FRMD3: variants seen among roughly 807,000 people sequenced by gnomAD.
The protein encoded by FRMD3 is FERM domain-containing protein 3.
A neutral mutation model predicts 70.2 loss-of-function variants in FRMD3; 33 were observed. The ratio of observed to expected loss-of-function variants is 0.47; its 90% CI spans 0.36 to 0.63. FRMD3 has a LOEUF of 0.63. Ranked by LOEUF, FRMD3 falls within the 20% of genes least tolerant of loss-of-function variation. The pLI, the probability that FRMD3 is intolerant of heterozygous loss-of-function variation, is 0.00. For synonymous variants in FRMD3, 279 were observed against 255.9 expected (o/e 1.09, Z -0.86); for missense variants, 632 against 711.4 (o/e 0.89, Z 1.27).
the FRMD3 span, among the ~76,000 whole-genome samples, chr9:83,571,467 C>A: frequency 6.6e-6 from 1 of 152,192 alleles, no homozygotes; most frequent in African/African-American, 2.4e-5. Flanking sequence ...AATTGCCATT[C>A]ATGAAAATAG....
chr9:83,390,587 G>A (rs964805346), intron 1 of FRMD3, among the ~76,000 whole-genome samples: 1 of 152,182 alleles, frequency 6.6e-6, no homozygotes, highest in Non-Finnish European at 1.5e-5. Context: ...TTATTTCTAA[G>A]TTAGTTAGGT....
chr9:83,502,690 A>T (rs1390167507), intron 1 of FRMD3, among the ~76,000 whole-genome samples: 2 of 152,184 alleles, frequency 1.3e-5, no homozygotes, highest in Admixed American at 6.5e-5. Flanking sequence ...CAATTTCATG[A>T]TTCAGTGGAC....
At chr9:83,261,395 C>G (rs536521983) in intron 13 of FRMD3, among the ~76,000 whole-genome samples, 1 of 152,268 alleles carries the variant, frequency 6.6e-6, no homozygotes, top group South Asian at 2.1e-4. Context: ...GCTCTCCCCA[C>G]CTGCTGAAAT....
chr9:83,349,855 T>C, intron 3 of FRMD3, 98 bp from the exon 4 acceptor site: 1 of 800,294 alleles, frequency 1.2e-6, no homozygotes. Context: ...CAGACTAGCC[T>C]GGGGAGTGGG....
chr9:83,267,095 TG>T (rs780950309), intron 13 of FRMD3: 3 of 1,550,812 alleles, frequency 1.9e-6, no homozygotes, highest in Non-Finnish European at 2.6e-6. Context: ...CATGTGCAAT[TG>T]GAGGCTTCGT....
At chr9:83,256,519 T>C (rs1040561686) in intron 13 of FRMD3, among the ~76,000 whole-genome samples, 3 of 151,846 alleles carry the variant, frequency 2.0e-5, no homozygotes, top group African/African-American at 7.3e-5. Context: ...AATTGACAAA[T>C]GGGATCTAAT....
intron 6 of FRMD3, among the ~76,000 whole-genome samples, chr9:83,316,202 A>G (rs1402705272): frequency 8.1e-6 from 1 of 123,240 alleles, no homozygotes; most frequent in Non-Finnish European, 1.6e-5. Flanking sequence ...TCTATTGCCC[A>G]GGTTGGAGTG....
At chr9:83,473,112 C>T (rs550457605) in intron 1 of FRMD3, among the ~76,000 whole-genome samples, 1 of 152,288 alleles carries the variant, frequency 6.6e-6, no homozygotes, top group South Asian at 2.1e-4. Flanking sequence ...CTTAGATGTT[C>T]CCCCTTTGTA....
chr9:83,334,034 T>C (rs1024013807), intron 6 of FRMD3, among the ~76,000 whole-genome samples: 1 of 152,120 alleles, frequency 6.6e-6, no homozygotes, highest in Non-Finnish European at 1.5e-5. Flanking sequence ...GCCCTGCAAA[T>C]TCAGGGCATA....
chr9:83,254,410 C>CAAAAACA (rs375618038), intron 13 of FRMD3, among the ~76,000 whole-genome samples: 5 of 150,900 alleles, frequency 3.3e-5, no homozygotes, highest in African/African-American at 1.2e-4. Flanking sequence ...CTTTCACTTA[C>CAAAAACA]AAAAACAAAA....
At chr9:83,445,341 A>AATAGACAG (rs1554706372) in intron 1 of FRMD3, among the ~76,000 whole-genome samples, 1 of 146,542 alleles carries the variant, frequency 6.8e-6, no homozygotes, top group Non-Finnish European at 1.5e-5. Context: ...CTCAAAAATA[A>AATAGACAG]ATAGATAGAT....
chr9:83,495,685 A>G (rs985731070), intron 1 of FRMD3, among the ~76,000 whole-genome samples: 1 of 152,262 alleles, frequency 6.6e-6, no homozygotes, highest in African/African-American at 2.4e-5. Context: ...AATGATAGGT[A>G]TAGTAAGCAT....
chr9:83,267,656 A>G (rs543915781), intron 13 of FRMD3, among the ~76,000 whole-genome samples: 1 of 152,246 alleles, frequency 6.6e-6, no homozygotes, highest in African/African-American at 2.4e-5. Flanking sequence ...ATTAATTTTA[A>G]TAATGTGTTT....
intron 4 of FRMD3, among the ~76,000 whole-genome samples, chr9:83,346,901 A>G (rs1479646023): frequency 6.6e-6 from 1 of 152,186 alleles, no homozygotes; most frequent in Non-Finnish European, 1.5e-5. Flanking sequence ...GACAGGCCCA[A>G]GACTATTCAG....
At chr9:83,335,470 A>G (rs1325941655) in intron 6 of FRMD3, 46 bp downstream of exon 6, 1 of 1,536,426 alleles carries the variant, frequency 6.5e-7, no homozygotes, top group Admixed American at 1.7e-5. Flanking sequence ...CAGTAAGAAT[A>G]TTTTCTCCCC....
rs1832052756 is a variant in FRMD3, at chr9:83,245,554, T to C, written c.*2364A>G. ...GGAAATGTTAAAATAATATATTTAT[T>C]ACTCCTTAAGATAAATCTGCATCGT... On this transcript the variant is annotated 3_prime_UTR_variant, in exon 14 of 14. Transcript: ENST00000304195. 1 of 915,904 alleles carries C rather than the reference T, an allele frequency of 1.1e-6. No homozygotes were observed. The highest frequency in any genetic ancestry group is 1.3e-6 in the Non-Finnish European group (1 of 766,628). 56.7% of individuals were successfully genotyped at this position (915,904 alleles called of 1,614,324 possible).
chr9:83,500,239 A>G lies in FRMD3; in HGVS notation c.147+37846T>C, dbSNP rs983205390. 7.9e-5 allele frequency among the ~76,000 whole-genome samples: 12 copies of G among 152,248 alleles called. No homozygotes were observed. In the East Asian group the frequency reaches 1.4e-3, roughly 17 times the overall value. Reference sequence around the variant, plus strand: ...AGAGTGAACCCTAATGTAAGCTATGAACTTTAGTTAATAATCATGTATTTA... The same window carrying G: ...AGAGTGAACCCTAATGTAAGCTATGGACTTTAGTTAATAATCATGTATTTA... On this transcript the variant is annotated intron_variant, in intron 1 of 13. Transcript: ENST00000304195.
chr9:83,496,665 G>A (rs1202685345), intron 1 of FRMD3, among the ~76,000 whole-genome samples: 3 of 151,940 alleles, frequency 2.0e-5, no homozygotes, highest in Non-Finnish European at 4.4e-5. Context: ...AATGATAGCT[G>A]ATGAGAGAGG....
At chr9:83,540,153 T>C (rs185304977), upstream of FRMD3, among the ~76,000 whole-genome samples, 173 of 152,310 alleles carry the variant, frequency 1.1e-3, no homozygotes, top group African/African-American at 3.5e-3. Flanking sequence ...AATCCCCATA[T>C]GCACATATGA....
Sources: allele counts gnomAD v4.1 joint callset (sites outside exome capture counted in the v4.1 genomes callset), GRCh38; gene constraint gnomAD v4.1.1; transcripts MANE v1.5; gene names NCBI Gene and HGNC (gene_info 2026-07-23, HGNC 2026-07-21).